The following FANCC variants were observed in gnomAD, a reference collection of about 807,000 sequenced individuals.
FANCC encodes the protein Fanconi anemia group C protein.
Under a neutral mutation model 71.3 loss-of-function variants are expected in FANCC, and 55 were observed. That is an observed-to-expected ratio of 0.77 (90% confidence interval 0.62 to 0.97). FANCC has a LOEUF of 0.97. FANCC is among the 50% of genes least tolerant of loss of function. The probability of loss-of-function intolerance (pLI) is 0.00; values close to 1 mark genes in which losing one functional copy is unlikely to be tolerated. For synonymous variants in FANCC, 275 were observed against 244.9 expected (o/e 1.12, Z -1.15); for missense variants, 678 against 670.9 (o/e 1.01, Z -0.12).
intron 7 of FANCC, among the ~76,000 whole-genome samples, chr9:95,144,813 A>G (rs555133112): frequency 5.3e-5 from 8 of 152,198 alleles, no homozygotes; most frequent in Non-Finnish European, 8.8e-5. Context: ...CGTGTGCTCC[A>G]TTGCGGGTGT....
chr9:95,270,957 C>T lies in FANCC; in HGVS notation c.-78-21588G>A, dbSNP rs546193713. ...TCACCTCTCCAGCATCCATTCTCCACCCTCCCCCTTCTTAACGAGACTGGA... is the reference window on the plus strand; with the variant it reads ...TCACCTCTCCAGCATCCATTCTCCATCCTCCCCCTTCTTAACGAGACTGGA... On this transcript the variant is annotated intron_variant, in intron 1 of 14. Coordinates refer to ENST00000289081, the MANE Select transcript of FANCC (RefSeq NM_000136.3). 3.8e-3 allele frequency among the ~76,000 whole-genome samples: 571 copies of T among 152,260 alleles called. 2 individuals are homozygous for T. The highest frequency in any genetic ancestry group is 7.6e-3 in the Admixed American group (117 of 15,298).
chr9:95,270,921 G>A (rs1197619344), intron 1 of FANCC, among the ~76,000 whole-genome samples: 1 of 152,154 alleles, frequency 6.6e-6, no homozygotes, highest in African/African-American at 2.4e-5. Flanking sequence ...AGGTGTAGTG[G>A]AGAGGAGCAG....
At chr9:95,293,673 T>C in intron 1 of FANCC, 4 of 1,614,082 alleles carry the variant, frequency 2.5e-6, no homozygotes, top group East Asian at 4.5e-5. Context: ...TCAAACTGAT[T>C]TGTTGTTTGA....
intron 1 of FANCC, among the ~76,000 whole-genome samples, chr9:95,255,730 G>A (rs949376041): frequency 5.3e-5 from 8 of 152,006 alleles, no homozygotes; most frequent in Non-Finnish European, 1.2e-4. Flanking sequence ...GCTTCAGAAG[G>A]TGGGTAATAA....
intron 4 of FANCC, among the ~76,000 whole-genome samples, chr9:95,205,849 T>G (rs1213072914): frequency 1.3e-5 from 2 of 152,170 alleles, no homozygotes; most frequent in South Asian, 2.1e-4. Flanking sequence ...ACTTTGCAGA[T>G]GACTCAAATT....
rs77857405 is a variant in FANCC at position 95,262,276 on chromosome 9, T to C, written c.-78-12907A>G. 1.2e-3 allele frequency among the ~76,000 whole-genome samples: 187 copies of C among 152,140 alleles called. 1 individual carries two copies. Among genetic ancestry groups the C allele is most frequent in the Non-Finnish European group, 2.2e-3 (153 of 68,010 alleles). On this transcript the variant is annotated intron_variant, in intron 1 of 14. Coordinates refer to ENST00000289081, the MANE Select transcript of FANCC (RefSeq NM_000136.3). ...TCATGGAAAATGTACCTTACAAGAA[T>C]ATGGAGCTCACCAAGCACAATTCAT...
chr9:95,218,188 AGT>A (rs1424969906), intron 4 of FANCC, among the ~76,000 whole-genome samples: 1 of 152,196 alleles, frequency 6.6e-6, no homozygotes, highest in East Asian at 1.9e-4. Flanking sequence ...GGGCAGGCCG[AGT>A]GTGGTGGCCC....
At position 95,207,676 on chromosome 9, in the gene FANCC, CTCAT is replaced by C. The variant is rs1178701219; in HGVS notation, c.345+32969_345+32972del. On this transcript the variant is annotated intron_variant, in intron 4 of 14. Coordinates refer to ENST00000289081, the MANE Select transcript of FANCC (RefSeq NM_000136.3). ...CAGACGGACAAATCCCGGGTGCCTT[CTCAT>C]TGACAGTGTTACAACCTCTCCACTA... Among the ~76,000 whole-genome samples the C allele has an allele frequency of 3.3e-5, 5 of 152,282 alleles. No individual in the cohort carries two copies. In the South Asian group the frequency reaches 6.2e-4, roughly 19 times the overall value.
intron 4 of FANCC, among the ~76,000 whole-genome samples, chr9:95,203,102 G>C (rs1008071467): frequency 6.6e-6 from 1 of 152,076 alleles, no homozygotes; most frequent in African/African-American, 2.4e-5. Context: ...TTTATAAAAA[G>C]ACACATGAGG....
intron 4 of FANCC, among the ~76,000 whole-genome samples, chr9:95,236,970 C>A (rs887083867): frequency 3.3e-5 from 5 of 152,072 alleles, no homozygotes; most frequent in Non-Finnish European, 1.5e-5. Context: ...ATTTATAAAC[C>A]AACCTACAGA....
At chr9:95,184,405 A>C in intron 4 of FANCC, among the ~76,000 whole-genome samples, 1 of 152,144 alleles carries the variant, frequency 6.6e-6, no homozygotes, top group Admixed American at 6.5e-5. Context: ...AACAACTCAT[A>C]AGCACCACCT....
intron 4 of FANCC, among the ~76,000 whole-genome samples, chr9:95,195,231 C>A (rs1827374942): frequency 7.2e-6 from 1 of 138,934 alleles, no homozygotes; most frequent in African/African-American, 2.7e-5. Flanking sequence ...ACCAACTATG[C>A]CTAGTTCCAG....
intron 1 of FANCC, chr9:95,317,240 C>A: frequency 6.5e-6 from 1 of 152,874 alleles, no homozygotes; most frequent in South Asian, 2.0e-4. Context: ...CCGCGCGACC[C>A]CAGCGCCGGC....
chr9:95,122,675 T>C (rs749856529), intron 10 of FANCC, among the ~76,000 whole-genome samples: 196 of 152,182 alleles, frequency 1.3e-3, no homozygotes, highest in African/African-American at 3.7e-3. Context: ...ACGGCCAACA[T>C]AGAGGCTGAG....
At chr9:95,191,284 A>G (rs1037846011) in intron 4 of FANCC, among the ~76,000 whole-genome samples, 3 of 147,242 alleles carry the variant, frequency 2.0e-5, no homozygotes, top group African/African-American at 2.5e-5. Context: ...CACAAGGCCC[A>G]GCCCAGCCCA....
chr9:95,289,052 G>A (rs1471869917), intron 1 of FANCC, among the ~76,000 whole-genome samples: 2 of 152,036 alleles, frequency 1.3e-5, no homozygotes, highest in Non-Finnish European at 2.9e-5. Context: ...AATGAGCTAC[G>A]GATCATGCCA....
chr9:95,163,545 G>A (rs573621560), intron 6 of FANCC, among the ~76,000 whole-genome samples: 36 of 152,196 alleles, frequency 2.4e-4, no homozygotes, highest in African/African-American at 5.5e-4. Context: ...TGGGTAGTAC[G>A]GGCATTTAAA....
chr9:95,104,876 A>G (rs1258484338), intron 14 of FANCC, among the ~76,000 whole-genome samples: 5 of 152,052 alleles, frequency 3.3e-5, no homozygotes, highest in African/African-American at 1.2e-4. Context: ...CCAGCCCCCC[A>G]TAAGCACCTT....
chr9:95,249,650 C>G (rs1444492090), intron 1 of FANCC, among the ~76,000 whole-genome samples: 1 of 152,146 alleles, frequency 6.6e-6, no homozygotes, highest in African/African-American at 2.4e-5. Flanking sequence ...TACTTTATAT[C>G]TTCTTTTTAA....
Sources: gnomAD v4.1 joint callset for allele counts (sites outside exome capture counted in the v4.1 genomes callset) on GRCh38, gnomAD v4.1.1 for gene constraint, MANE v1.5 for transcripts, NCBI Gene and HGNC (gene_info 2026-07-23, HGNC 2026-07-21) for gene names.